BIRC6: variants seen among roughly 807,000 people sequenced by gnomAD.
BIRC6 encodes the protein baculoviral IAP repeat containing 6.
In BIRC6, 98 loss-of-function variants were observed where a neutral mutation model predicts 503.3. The ratio of observed to expected loss-of-function variants is 0.19; its 90% CI spans 0.17 to 0.23. The LOEUF (loss-of-function observed/expected upper bound fraction) is 0.23. Ranked by LOEUF, BIRC6 falls within the 10% of genes least tolerant of loss-of-function variation. The pLI is 1.00. For synonymous variants in BIRC6, 2,240 were observed against 2,078.7 expected (o/e 1.08, Z -2.11); for missense variants, 5,360 against 5,806.0 (o/e 0.92, Z 2.50).
intron 69 of BIRC6, among the ~76,000 whole-genome samples, chr2:32,598,673 T>G (rs1223254301): frequency 6.6e-6 from 1 of 152,210 alleles, no homozygotes; most frequent in Non-Finnish European, 1.5e-5. Context: ...CTGTCTTCCA[T>G]AGATACGCAG....
chr2:32,537,990 A>C (rs1024986596), intron 61 of BIRC6, among the ~76,000 whole-genome samples: 116 of 152,142 alleles, frequency 7.6e-4, no homozygotes, highest in African/African-American at 2.6e-3. Context: ...AACAAAAAAA[A>C]CAATTATTTA....
rs762883027 is a variant in BIRC6, at chr2:32,490,046, A to G, written c.8101A>G (p.Ile2701Val). The change falls in exon 43 of 74, where the codon ATA (isoleucine) becomes GTA (valine). Residue 2701 changes from isoleucine (I) to valine (V), a missense_variant. Transcript: ENST00000421745. ...IPVISLNQAS[I>V]TSFLTVLAWY... ...CCTTTCTCTTTTCTGCATAGCATCAATAACTAGCTTTCTCACAGTGTTAGC... is the reference window on the plus strand; with the variant it reads ...CCTTTCTCTTTTCTGCATAGCATCAGTAACTAGCTTTCTCACAGTGTTAGC... 8 of 1,606,394 alleles carry G rather than the reference A, an allele frequency of 5.0e-6. No homozygotes were observed. The Admixed American group carries it at 5.0e-5, about 10-fold the overall frequency.
intron 65 of BIRC6, among the ~76,000 whole-genome samples, 176 bp downstream of exon 65, chr2:32,549,657 T>C (rs968217750): frequency 6.6e-6 from 1 of 152,224 alleles, no homozygotes; most frequent in African/African-American, 2.4e-5. Flanking sequence ...TCACTTACCA[T>C]AGAACACAGA....
At chr2:32,508,394 A>G in intron 51 of BIRC6, 135 bp downstream of exon 51, 9 of 1,191,476 alleles carry the variant, frequency 7.6e-6, no homozygotes, top group Non-Finnish European at 1.0e-5. Context: ...GTATCTGTAT[A>G]ATACAATTTT....
At chr2:32,472,424 A>G (rs976439549) in intron 32 of BIRC6, among the ~76,000 whole-genome samples, 17 of 152,204 alleles carry the variant, frequency 1.1e-4, no homozygotes, top group Admixed American at 7.9e-4. Flanking sequence ...GTAATCTTGG[A>G]ATATAACAGT....
At chr2:32,436,436 A>C (rs1306992669) in intron 15 of BIRC6, among the ~76,000 whole-genome samples, 1 of 152,164 alleles carries the variant, frequency 6.6e-6, no homozygotes, top group African/African-American at 2.4e-5. Flanking sequence ...CTACAGGATG[A>C]CTTAGTGTGA....
intron 8 of BIRC6, among the ~76,000 whole-genome samples, chr2:32,406,234 T>A (rs1418662847): frequency 6.6e-6 from 1 of 151,870 alleles, no homozygotes. Flanking sequence ...TCTGCAAAAA[T>A]TAAAAGAAAA....
chr2:32,394,586 C>G (rs1279389467), intron 5 of BIRC6, among the ~76,000 whole-genome samples: 2 of 152,056 alleles, frequency 1.3e-5, no homozygotes, highest in African/African-American at 4.8e-5. Flanking sequence ...AATCCCAGCA[C>G]TTAGGGAGGC....
intron 66 of BIRC6, among the ~76,000 whole-genome samples, chr2:32,578,223 G>A (rs2060397065): frequency 1.3e-5 from 2 of 151,998 alleles, no homozygotes; most frequent in African/African-American, 4.8e-5. Context: ...TTCTTTTCCA[G>A]TTGTCACAAC....
intron 20 of BIRC6, 136 bp from the exon 21 acceptor site, chr2:32,445,378 AATTGCCT>A: frequency 1.2e-6 from 1 of 805,090 alleles, no homozygotes; most frequent in East Asian, 3.0e-5. Context: ...TATCTTTGTA[AATTGCCT>A]ATAAGATTGT....
At chr2:32,391,979 T>A (rs908832741) in intron 4 of BIRC6, 60 bp from the exon 5 acceptor site, 3 of 1,140,422 alleles carry the variant, frequency 2.6e-6, no homozygotes, top group Non-Finnish European at 3.7e-6. Context: ...CATTGTTAAA[T>A]AGAAGTTTCA....
intron 30 of BIRC6, 60 bp from the exon 31 acceptor site, chr2:32,470,108 T>A: frequency 1.6e-6 from 2 of 1,287,086 alleles, no homozygotes; most frequent in Admixed American, 3.3e-5. Flanking sequence ...TAAATTATTT[T>A]AAAAATTGAA....
chr2:32,597,951 C>A lies in BIRC6; in HGVS notation c.13813C>A (p.Arg4605=), dbSNP rs34648875. 3,669 of 1,611,740 alleles carry A rather than the reference C, an allele frequency of 2.3e-3. 83 individuals are homozygous for A. In the African/African-American group the frequency reaches 0.044, roughly 19 times the overall value. The change falls in exon 69 of 74, where the codon CGA becomes AGA. Residue 4605 remains arginine (R), a synonymous_variant. Transcript: ENST00000421745. ...TGTGTTTGTACGCTGTGATGAGGAG[C>A]GACTTGATATCATGAAGGTAAAAAA... ...SSVFVRCDEE[R]LDIMKVLITG... is the part of the protein sequence containing the mutation.
chr2:32,562,771 G>T (rs2059282527), intron 65 of BIRC6, among the ~76,000 whole-genome samples: 1 of 152,086 alleles, frequency 6.6e-6, no homozygotes, highest in Non-Finnish European at 1.5e-5. Context: ...TGGCTTGGTG[G>T]CTGCTTCCTT....
intron 1 of BIRC6, among the ~76,000 whole-genome samples, chr2:32,375,047 A>G (rs2036543813): frequency 6.6e-6 from 1 of 152,164 alleles, no homozygotes; most frequent in African/African-American, 2.4e-5. Flanking sequence ...TATACTTTTC[A>G]GCATACATAT....
chr2:32,530,760 G>A (rs2056675812), intron 60 of BIRC6, among the ~76,000 whole-genome samples: 1 of 152,026 alleles, frequency 6.6e-6, no homozygotes, highest in African/African-American at 2.4e-5. Flanking sequence ...GCAAATTTTG[G>A]TACATTGTCT....
intron 61 of BIRC6, among the ~76,000 whole-genome samples, chr2:32,539,242 A>G (rs1442538146): frequency 6.6e-6 from 1 of 152,256 alleles, no homozygotes; most frequent in Non-Finnish European, 1.5e-5. Context: ...GAAGAATTAG[A>G]TAAATCTACA....
At chr2:32,460,107 A>G (rs2047665247) in intron 23 of BIRC6, among the ~76,000 whole-genome samples, 1 of 146,538 alleles carries the variant, frequency 6.8e-6, no homozygotes, top group Non-Finnish European at 1.5e-5. Context: ...AGAAATGGTA[A>G]TAGTAGTACT....
chr2:32,456,526 G>T (rs1428393638), intron 23 of BIRC6, among the ~76,000 whole-genome samples: 2 of 152,128 alleles, frequency 1.3e-5, no homozygotes, highest in African/African-American at 2.4e-5. Flanking sequence ...GCTTCATAGG[G>T]TATTCATATA....
Sources: allele counts gnomAD v4.1 joint callset (sites outside exome capture counted in the v4.1 genomes callset), GRCh38; gene constraint gnomAD v4.1.1; transcripts MANE v1.5; gene names NCBI Gene and HGNC (gene_info 2026-07-23, HGNC 2026-07-21).